Variants in PDSS2 observed in about 807,000 individuals in gnomAD.
The protein encoded by PDSS2 is all trans-polyprenyl-diphosphate synthase PDSS2.
A neutral mutation model predicts 44.5 loss-of-function variants in PDSS2; 31 were observed. The observed-to-expected ratio is 0.70, with a 90% CI of 0.52 to 0.94. PDSS2 has a LOEUF of 0.94. Ranked by LOEUF, PDSS2 falls within the 40% of genes least tolerant of loss-of-function variation. The probability of loss-of-function intolerance (pLI) is 0.00; values close to 1 mark genes in which losing one functional copy is unlikely to be tolerated. For synonymous variants in PDSS2, 157 were observed against 180.3 expected (o/e 0.87, Z 1.03); for missense variants, 452 against 482.2 (o/e 0.94, Z 0.59).
intron 1 of PDSS2, among the ~76,000 whole-genome samples, chr6:107,345,868 A>G (rs956099323): frequency 6.6e-6 from 1 of 152,210 alleles, no homozygotes; most frequent in Non-Finnish European, 1.5e-5. Context: ...CGGAAGTGAC[A>G]GTGATGGCGG....
At chr6:107,457,574 G>A (rs1782085072) in intron 1 of PDSS2, among the ~76,000 whole-genome samples, 1 of 152,106 alleles carries the variant, frequency 6.6e-6, no homozygotes, top group Admixed American at 6.5e-5. Context: ...GCCTCCATTC[G>A]TGACAACCAA....
rs1438668614 is a variant in PDSS2, at chr6:107,459,165, G to A, written c.121C>T (p.Arg41Trp). ...CAGTGGGCCGGGGACTTGGAGGACC[G>A]ACCACGCCAAGAGCCCACCGAGGAG... ...TISSVGSWRG[R>W]SSKSPAHWNQ... Residue 41 changes from arginine (R) to tryptophan (W), a missense_variant, in exon 1 of 8, where the codon CGG (arginine) becomes TGG (tryptophan). Transcript: ENST00000369037. The surrounding 1 kb of genome is among the most constrained non-coding windows in gnomAD (Gnocchi z 4.3). 2 of 1,614,056 alleles carry A rather than the reference G, an allele frequency of 1.2e-6. No individual in the cohort carries two copies. Among genetic ancestry groups the A allele is most frequent in the African/African-American group, 1.3e-5 (1 of 75,024 alleles).
chr6:107,406,892 TATCA>T (rs1161858920), intron 1 of PDSS2, among the ~76,000 whole-genome samples: 1 of 152,200 alleles, frequency 6.6e-6, no homozygotes, highest in African/African-American at 2.4e-5. Flanking sequence ...GGTTCACAGA[TATCA>T]AAAGTCATGC....
intron 1 of PDSS2, among the ~76,000 whole-genome samples, chr6:107,356,899 A>G (rs9480768): frequency 0.14 from 20,879 of 152,136 alleles, 1,600 homozygotes; most frequent in East Asian, 0.25. Context: ...TTCCTTGAGA[A>G]ACTTTATTTG....
At chr6:107,425,019 GT>G (rs1386370692) in intron 1 of PDSS2, among the ~76,000 whole-genome samples, 1 of 152,134 alleles carries the variant, frequency 6.6e-6, no homozygotes, top group East Asian at 1.9e-4. Flanking sequence ...AGATCTGATG[GT>G]TTTAAAAACG....
At chr6:107,156,421 C>A (rs559406863) in intron 7 of PDSS2, among the ~76,000 whole-genome samples, 93 of 152,128 alleles carry the variant, frequency 6.1e-4, no homozygotes, top group African/African-American at 2.1e-3. Flanking sequence ...GTCTCCATCT[C>A]CTGACCTTGT....
intron 1 of PDSS2, among the ~76,000 whole-genome samples, chr6:107,423,531 TTGTC>T (rs56691436): frequency 0.027 from 4,080 of 152,306 alleles, 198 homozygotes; most frequent in African/African-American, 0.093. Flanking sequence ...CATGGCTTCT[TTGTC>T]TGTTATTTCC....
At chr6:107,358,373 A>T (rs997386308) in intron 1 of PDSS2, among the ~76,000 whole-genome samples, 1 of 152,222 alleles carries the variant, frequency 6.6e-6, no homozygotes, top group African/African-American at 2.4e-5. Context: ...TATGTTCTGA[A>T]AATTAAACAG....
intron 1 of PDSS2, among the ~76,000 whole-genome samples, chr6:107,354,109 A>T (rs60081892): frequency 0.027 from 4,061 of 150,908 alleles, 204 homozygotes; most frequent in African/African-American, 0.094. Context: ...GATGTAATGA[A>T]TTTTTTTTTT....
intron 1 of PDSS2, among the ~76,000 whole-genome samples, chr6:107,436,995 GT>G (rs1029543258): frequency 1.0e-4 from 15 of 149,494 alleles, no homozygotes; most frequent in South Asian, 8.5e-4. Context: ...CTCAGTGTGG[GT>G]TTTTTTTTTC....
chr6:107,169,535 T>C (rs1405604578), intron 7 of PDSS2, among the ~76,000 whole-genome samples: 2 of 152,136 alleles, frequency 1.3e-5, no homozygotes, highest in East Asian at 1.9e-4. Flanking sequence ...ATGCATTCCT[T>C]TGGAGGGGGA....
chr6:107,273,628 A>G (rs1183482761), intron 3 of PDSS2, among the ~76,000 whole-genome samples: 1 of 152,176 alleles, frequency 6.6e-6, no homozygotes, highest in Non-Finnish European at 1.5e-5. Context: ...GCAAGTTCTC[A>G]TATATATTAC....
intron 1 of PDSS2, among the ~76,000 whole-genome samples, chr6:107,432,895 G>T (rs940468438): frequency 6.6e-6 from 1 of 151,940 alleles, no homozygotes; most frequent in African/African-American, 2.4e-5. Context: ...TTGTAACTTT[G>T]TATCTGTTAA....
At chr6:107,447,345 C>CA (rs910400344) in intron 1 of PDSS2, among the ~76,000 whole-genome samples, 4 of 150,624 alleles carry the variant, frequency 2.7e-5, no homozygotes, top group East Asian at 3.9e-4. Flanking sequence ...AAAAGCAAAA[C>CA]AAAAAAAAAT....
intron 7 of PDSS2, among the ~76,000 whole-genome samples, chr6:107,187,100 A>G (rs1582755598): frequency 6.6e-6 from 1 of 152,184 alleles, no homozygotes; most frequent in Non-Finnish European, 1.5e-5. Flanking sequence ...AGTCCATAAC[A>G]TACTGCATAA....
chr6:107,255,355 G>C (rs1774977216), intron 3 of PDSS2, among the ~76,000 whole-genome samples: 1 of 151,558 alleles, frequency 6.6e-6, no homozygotes, highest in African/African-American at 2.4e-5. Context: ...ACCACGCCTG[G>C]CTAATTTTGC....
At chr6:107,250,534 C>A (rs1230698968) in intron 3 of PDSS2, among the ~76,000 whole-genome samples, 1 of 152,000 alleles carries the variant, frequency 6.6e-6, no homozygotes, top group African/African-American at 2.4e-5. Context: ...AAACAATAAA[C>A]CTATTTCCTT....
At chr6:107,416,218 G>GA (rs1251721651) in intron 1 of PDSS2, among the ~76,000 whole-genome samples, 4 of 151,754 alleles carry the variant, frequency 2.6e-5, no homozygotes, top group Admixed American at 1.3e-4. Flanking sequence ...TTTTTTCAAG[G>GA]AAAAAAATTT....
rs1035624837 is a variant in PDSS2, at chr6:107,426,557, T to A, written c.296+32433A>T. On this transcript the variant is annotated intron_variant, in intron 1 of 7. Transcript: ENST00000369037. Reference sequence around the variant, plus strand: ...ATTCTCCAGACCCCAGAACGGTAGATCCACTGACAGCTTGTACCGTGTGCC... The same window carrying A: ...ATTCTCCAGACCCCAGAACGGTAGAACCACTGACAGCTTGTACCGTGTGCC... Among the ~76,000 whole-genome samples, 5 of 152,072 alleles carry A rather than the reference T, an allele frequency of 3.3e-5. No individual in the cohort carries two copies. In the South Asian group the frequency reaches 6.2e-4, roughly 19 times the overall value.
Sources: allele counts gnomAD v4.1 joint callset (sites outside exome capture counted in the v4.1 genomes callset), GRCh38; gene constraint gnomAD v4.1.1; non-coding constraint Gnocchi (gnomAD v3.1); transcripts MANE v1.5; gene names NCBI Gene and HGNC (gene_info 2026-07-23, HGNC 2026-07-21).